Variants in GPC5 observed in about 807,000 individuals in gnomAD.
The protein encoded by GPC5 is glypican-5.
In GPC5, 47 loss-of-function variants were observed where a neutral mutation model predicts 53.9. That is an observed-to-expected ratio of 0.87 (90% CI 0.69 to 1.11). The LOEUF (loss-of-function observed/expected upper bound fraction) is 1.11, where lower values mean the gene tolerates loss of function less well. Among genes scored for constraint, GPC5 ranks in the 50% most tolerant of loss-of-function variants. The probability of loss-of-function intolerance (pLI) is 0.00; values close to 1 mark genes in which losing one functional copy is unlikely to be tolerated. For synonymous variants in GPC5, 286 were observed against 263.3 expected (o/e 1.09, Z -0.84); for missense variants, 748 against 713.1 (o/e 1.05, Z -0.56).
intron 7 of GPC5, among the ~76,000 whole-genome samples, chr13:92,679,678 G>A (rs1489392357): frequency 8.5e-5 from 13 of 152,126 alleles, no homozygotes; most frequent in Non-Finnish European, 1.8e-4. Flanking sequence ...TAGTGTATGT[G>A]TTTCCTGTTC....
At chr13:92,326,828 A>G (rs186214239) in intron 7 of GPC5, among the ~76,000 whole-genome samples, 38 of 152,070 alleles carry the variant, frequency 2.5e-4, no homozygotes, top group Admixed American at 6.6e-4. Context: ...TTTTCTATTT[A>G]CTTCCCCAAG....
intron 1 of GPC5, among the ~76,000 whole-genome samples, chr13:91,446,208 T>G (rs1341902854): frequency 6.6e-6 from 1 of 152,206 alleles, no homozygotes; most frequent in African/African-American, 2.4e-5. Context: ...TACCTCCTGA[T>G]GTTCCTATTT....
chr13:92,208,694 T>C (rs1052913693), intron 7 of GPC5, among the ~76,000 whole-genome samples: 3 of 152,214 alleles, frequency 2.0e-5, no homozygotes, highest in Non-Finnish European at 4.4e-5. Flanking sequence ...AAAGGGTCGC[T>C]CTACCATAAT....
chr13:92,474,013 A>G (rs1219761830), intron 7 of GPC5, among the ~76,000 whole-genome samples: 2 of 152,248 alleles, frequency 1.3e-5, no homozygotes, highest in East Asian at 3.9e-4. Context: ...TTAGATGTTG[A>G]GGTTTATTGC....
chr13:91,938,393 G>T (rs187966805), intron 6 of GPC5, among the ~76,000 whole-genome samples: 2 of 152,102 alleles, frequency 1.3e-5, no homozygotes, highest in Non-Finnish European at 2.9e-5. Context: ...CACAAGGCAG[G>T]CACCATGCTA....
chr13:92,530,378 C>T (rs1881516772), intron 7 of GPC5, among the ~76,000 whole-genome samples: 1 of 152,152 alleles, frequency 6.6e-6, no homozygotes, highest in East Asian at 1.9e-4. Context: ...CTGCCATCCA[C>T]CCACTAAAGC....
chr13:92,605,810 A>AT (rs1057139910), intron 7 of GPC5, among the ~76,000 whole-genome samples: 83 of 151,726 alleles, frequency 5.5e-4, no homozygotes, highest in African/African-American at 2.0e-3. Context: ...GGAAAAAAAA[A>AT]GTTTGCCTGG....
intron 3 of GPC5, among the ~76,000 whole-genome samples, chr13:91,700,050 T>C (rs1189937515): frequency 6.6e-6 from 1 of 152,206 alleles, no homozygotes; most frequent in Non-Finnish European, 1.5e-5. Flanking sequence ...GTTGAGGTAG[T>C]TCTGTGATAT....
chr13:92,114,221 A>AG (rs1873589839), intron 6 of GPC5, among the ~76,000 whole-genome samples: 1 of 152,190 alleles, frequency 6.6e-6, no homozygotes, highest in Admixed American at 6.5e-5. Context: ...AGCAACACAG[A>AG]GGAATTCATG....
At chr13:92,717,546 T>C (rs758626457) in intron 7 of GPC5, among the ~76,000 whole-genome samples, 1 of 152,194 alleles carries the variant, frequency 6.6e-6, no homozygotes, top group Non-Finnish European at 1.5e-5. Context: ...GTTGTTACAT[T>C]TGAATCCTCT....
At chr13:91,894,875 A>G (rs2039424502) in intron 5 of GPC5, among the ~76,000 whole-genome samples, 1 of 152,162 alleles carries the variant, frequency 6.6e-6, no homozygotes, top group South Asian at 2.1e-4. Flanking sequence ...CACCAGCAAG[A>G]CATGTCTCAG....
intron 6 of GPC5, among the ~76,000 whole-genome samples, chr13:91,923,078 G>T (rs1013616814): frequency 6.6e-6 from 1 of 151,978 alleles, no homozygotes; most frequent in African/African-American, 2.4e-5. Flanking sequence ...GGAATCTCTC[G>T]CAACTTAACT....
At chr13:92,601,514 C>T (rs1884053302) in intron 7 of GPC5, among the ~76,000 whole-genome samples, 3 of 146,810 alleles carry the variant, frequency 2.0e-5, no homozygotes, top group Non-Finnish European at 4.5e-5. Flanking sequence ...AATATCACAC[C>T]ACTGCACTCC....
intron 6 of GPC5, among the ~76,000 whole-genome samples, chr13:92,070,338 A>G (rs1178086095): frequency 6.6e-6 from 1 of 152,158 alleles, no homozygotes; most frequent in East Asian, 1.9e-4. Context: ...TGAATACAAC[A>G]CACTTTACAA....
chr13:92,064,755 T>TCAAAAAAAAAAAAAAAAAAAAA (rs1566419660), intron 6 of GPC5, among the ~76,000 whole-genome samples: 1 of 4,698 alleles, frequency 2.1e-4, no homozygotes, highest in Non-Finnish European at 2.2e-3. Flanking sequence ...AGACTCCGTC[T>TCAAAAAAAAAAAAAAAAAAAAA]CAAAAAAAAA....
Position 91,693,381 on chromosome 13 carries a change from G to C in GPC5, c.520G>C (p.Val174Leu), listed in dbSNP as rs2035801669. 4.3e-6 allele frequency: 7 copies of C among 1,613,906 alleles called. No individual in the cohort carries two copies. The highest frequency in any genetic ancestry group is 1.1e-5 in the South Asian group (1 of 91,082). Reference sequence around the variant, plus strand: ...ATTTTTTGACAGTCTTTTTCCTCTGGTCTACAACCACCTCATTAACCCTGG... The same window carrying C: ...ATTTTTTGACAGTCTTTTTCCTCTGCTCTACAACCACCTCATTAACCCTGG... ...NRFFDSLFPL[V>L]YNHLINPGVT... Residue 174 changes from valine to leucine, a missense_variant, in exon 3 of 8, where the codon GTC becomes CTC. Val to Leu is a conservative substitution (Grantham distance 32, BLOSUM62 1). Coordinates refer to ENST00000377067, the MANE Select transcript of GPC5 (RefSeq NM_004466.6).
In GPC5 at chr13:92,606,859, G is replaced by A. The variant is rs1007506872; in HGVS notation, c.1562-259423G>A. 3.3e-5 allele frequency among the ~76,000 whole-genome samples: 5 copies of A among 151,932 alleles called. 1 individual carries two copies. The highest frequency in any genetic ancestry group is 1.3e-4 in the Admixed American group (2 of 15,236). ...GAAGAAATCCTAAGTCTGGTAGTAC[G>A]GTACAATGTAAATATCACTTGCAAA... On this transcript the variant is annotated intron_variant, in intron 7 of 7. Coordinates refer to ENST00000377067, the MANE Select transcript of GPC5 (RefSeq NM_004466.6).
At chr13:91,762,248 T>A (rs953578044) in intron 5 of GPC5, among the ~76,000 whole-genome samples, 10 of 152,128 alleles carry the variant, frequency 6.6e-5, no homozygotes, top group African/African-American at 2.4e-4. Context: ...ACTCTACCAA[T>A]TCTCACTTTT....
chr13:92,190,033 A>G (rs1302204174), intron 7 of GPC5, among the ~76,000 whole-genome samples: 1 of 152,212 alleles, frequency 6.6e-6, no homozygotes, highest in Admixed American at 6.5e-5. Flanking sequence ...CAACTGCTTA[A>G]AAAACTACCC....
Sources: gnomAD v4.1 joint callset for allele counts (sites outside exome capture counted in the v4.1 genomes callset) on GRCh38, gnomAD v4.1.1 for gene constraint, MANE v1.5 for transcripts, NCBI Gene and HGNC (gene_info 2026-07-23, HGNC 2026-07-21) for gene names.